Variants in ITGAM observed in about 807,000 individuals in gnomAD.
The protein encoded by ITGAM is integrin subunit alpha M.
ITGAM carries 79 observed loss-of-function variants against 137.5 expected under a neutral mutation model. That is an observed-to-expected ratio of 0.57 (90% CI 0.48 to 0.69). ITGAM has a LOEUF of 0.69. Ranked by LOEUF, ITGAM falls within the 30% of genes least tolerant of loss-of-function variation. The probability of loss-of-function intolerance (pLI) is 0.00; values close to 1 mark genes in which losing one functional copy is unlikely to be tolerated. For synonymous variants in ITGAM, 583 were observed against 592.3 expected, an observed-to-expected ratio of 0.98 and a Z score of 0.23; for missense variants, 1,343 against 1,483.5, an observed-to-expected ratio of 0.91 and a Z score of 1.56.
intron 14 of ITGAM, among the ~76,000 whole-genome samples, chr16:31,308,066 A>AT (rs2080283663): frequency 6.6e-6 from 1 of 151,774 alleles, no homozygotes. Context: ...TTTATTGAGG[A>AT]TTTTTGCATA....
At position 31,271,094 on chromosome 16, in the gene ITGAM, C is replaced by A. The variant is rs1289047768; in HGVS notation, c.558+10C>A. ...AAAGTCCAAAACCTTGGTGAGGGCC[C>A]AGGGGTAGGTTAGGGAAGAGCCCAC... On this transcript the variant is annotated intron_variant, in intron 6 of 29. Coordinates refer to ENST00000544665, the MANE Select transcript of ITGAM (RefSeq NM_000632.4). 25 of 1,550,932 alleles carry A rather than the reference C, an allele frequency of 1.6e-5. No homozygotes were observed. The highest frequency in any genetic ancestry group is 2.2e-5 in the Non-Finnish European group (25 of 1,142,228).
intron 2 of ITGAM, among the ~76,000 whole-genome samples, chr16:31,263,127 G>A (rs1315295165): frequency 1.3e-5 from 2 of 152,066 alleles, no homozygotes; most frequent in Non-Finnish European, 2.9e-5. Context: ...TTTTTGTAGA[G>A]ACAGGGTTTC....
Position 31,331,231 on chromosome 16 carries a change from G to A in ITGAM, c.3343G>A (p.Gly1115Arg). Reference protein sequence around the residue: ...PLPLIVGSSVGGLLLLALITA... With the variant: ...PLPLIVGSSVRGLLLLALITA... ...GCCGCTCATCGTGGGCAGCTCTGTC[G>A]GGGGACTGCTGCTCCTGGCCCTCAT... The change falls in exon 29 of 30, where the codon GGG becomes AGG. Residue 1115 changes from glycine (G) to arginine (R), a missense_variant. Transcript: ENST00000544665. 6.2e-7 allele frequency: 1 copy of A among 1,613,402 alleles called. No individual in the cohort carries two copies. Among genetic ancestry groups the A allele is most frequent in the Non-Finnish European group, 8.5e-7 (1 of 1,179,694 alleles).
At chr16:31,307,269 C>T (rs374477620) in intron 14 of ITGAM, among the ~76,000 whole-genome samples, 4 of 152,274 alleles carry the variant, frequency 2.6e-5, no homozygotes, top group African/African-American at 7.2e-5. Context: ...TTGATTCTTC[C>T]TACCCACGAG....
chr16:31,298,204 CAAAAA>C (rs61202942), intron 14 of ITGAM, among the ~76,000 whole-genome samples: 5 of 77,826 alleles, frequency 6.4e-5, no homozygotes, highest in African/African-American at 1.5e-4. Flanking sequence ...CCCATCTCTC[CAAAAA>C]AAAAAAAAAA....
intron 8 of ITGAM, among the ~76,000 whole-genome samples, chr16:31,274,924 A>T (rs191832812): frequency 6.6e-6 from 1 of 152,278 alleles, no homozygotes; most frequent in East Asian, 1.9e-4. Context: ...TGGCCTATTT[A>T]AAAAATTTGT....
intron 14 of ITGAM, among the ~76,000 whole-genome samples, chr16:31,307,922 T>C (rs1410053578): frequency 6.6e-6 from 1 of 152,208 alleles, no homozygotes; most frequent in African/African-American, 2.4e-5. Flanking sequence ...GTTTTCGTCT[T>C]TGGTTCTGTT....
At chr16:31,282,965 C>T (rs1021039017) in intron 12 of ITGAM, among the ~76,000 whole-genome samples, 44 of 152,256 alleles carry the variant, frequency 2.9e-4, no homozygotes, top group Non-Finnish European at 5.6e-4. Context: ...TTTTATTTCT[C>T]CTTCACTTAT....
At chr16:31,290,082 A>G (rs1370664240) in intron 12 of ITGAM, among the ~76,000 whole-genome samples, 1 of 125,894 alleles carries the variant, frequency 7.9e-6, no homozygotes, top group Non-Finnish European at 1.5e-5. Flanking sequence ...ACTCCATCCA[A>G]AAAAAAAAAA....
intron 14 of ITGAM, among the ~76,000 whole-genome samples, chr16:31,300,130 T>TA (rs1194869200): frequency 6.6e-6 from 1 of 152,102 alleles, no homozygotes; most frequent in African/African-American, 2.4e-5. Flanking sequence ...ATACCACAAT[T>TA]AAAAAAATCC....
chr16:31,262,559 C>T (rs1406981526), intron 2 of ITGAM, among the ~76,000 whole-genome samples: 1 of 151,600 alleles, frequency 6.6e-6, no homozygotes, highest in Non-Finnish European at 1.5e-5. Context: ...TGTGCCACCA[C>T]ACCTGGCTAA....
Position 31,270,995 on chromosome 16 carries a change from G to A in ITGAM, c.469G>A (p.Gly157Ser). 1.3e-6 allele frequency: 2 copies of A among 1,585,438 alleles called. No individual in the cohort carries two copies. The highest frequency in any genetic ancestry group is 1.7e-6 in the Non-Finnish European group (2 of 1,162,818). ...TAGTGACATTGCCTTCTTGATTGAT[G>A]GCTCTGGTAGCATCATCCCACATGA... is the stretch of plus-strand genomic sequence containing the variant. ...EDSDIAFLIDGSGSIIPHDFR... is the reference protein window; with the variant it reads ...EDSDIAFLIDSSGSIIPHDFR... The change falls in exon 6 of 30, where the codon GGC becomes AGC. Residue 157 changes from glycine (G) to serine (S), a missense_variant. Physicochemically the swap from Gly to Ser is moderately conservative, Grantham distance 56 (BLOSUM62 0). Coordinates refer to ENST00000544665, the MANE Select transcript of ITGAM (RefSeq NM_000632.4).
At chr16:31,296,523 A>G (rs936373424) in intron 12 of ITGAM, among the ~76,000 whole-genome samples, 1 of 152,206 alleles carries the variant, frequency 6.6e-6, no homozygotes, top group African/African-American at 2.4e-5. Context: ...AAACAATCAA[A>G]TTCTGTTGAC....
chr16:31,329,080 T>G, intron 23 of ITGAM, 148 bp from the exon 24 acceptor site: 6 of 104,438 alleles, frequency 5.7e-5, no homozygotes, highest in Non-Finnish European at 1.2e-4. Context: ...GGTTCCCCCA[T>G]CCCCCTGCAC....
At chr16:31,290,765 A>G (rs2080079402) in intron 12 of ITGAM, among the ~76,000 whole-genome samples, 1 of 152,132 alleles carries the variant, frequency 6.6e-6, no homozygotes, top group African/African-American at 2.4e-5. Flanking sequence ...AGAAAAAAAA[A>G]TATAAAGAGG....
At chr16:31,280,653 T>C (rs1031663186) in intron 12 of ITGAM, among the ~76,000 whole-genome samples, 2 of 152,180 alleles carry the variant, frequency 1.3e-5, no homozygotes, top group Non-Finnish European at 2.9e-5. Context: ...ACAATGGGGT[T>C]TTCTAAATAT....
At position 31,276,711 on chromosome 16, in the gene ITGAM, G is replaced by A; in HGVS notation, c.1050G>A (p.Met350Ile). The A allele has an allele frequency of 6.2e-7, 1 of 1,612,298 alleles. No homozygotes were observed. The highest frequency in any genetic ancestry group is 8.5e-7 in the Non-Finnish European group (1 of 1,179,178). Reference sequence around the variant, plus strand: ...GTAGCAGCTCCTTTGAGCATGAGATGTCTCAGGAAGGCTTCAGCGCTGCCA... The same window carrying A: ...GTAGCAGCTCCTTTGAGCATGAGATATCTCAGGAAGGCTTCAGCGCTGCCA... The part of the protein sequence containing the change: ...TGSSSSFEHE[M>I]SQEGFSAAIT... Residue 350 changes from methionine to isoleucine, a missense_variant, in exon 10 of 30, where the codon ATG becomes ATA. Transcript: ENST00000544665.
chr16:31,331,521 C>T, intron 29 of ITGAM, 115 bp from the exon 30 acceptor site: 2 of 622,350 alleles, frequency 3.2e-6, no homozygotes, highest in South Asian at 1.9e-5. Context: ...CCCCTCCCGC[C>T]CCGCCCTCCT....
intron 14 of ITGAM, among the ~76,000 whole-genome samples, chr16:31,315,297 T>C (rs1190297247): frequency 1.3e-5 from 2 of 152,204 alleles, no homozygotes; most frequent in Non-Finnish European, 2.9e-5. Flanking sequence ...TGCAATTCCA[T>C]TTGTCTGTTT....
Sources: gnomAD v4.1 joint callset for allele counts (sites outside exome capture counted in the v4.1 genomes callset) on GRCh38, gnomAD v4.1.1 for gene constraint, MANE v1.5 for transcripts, NCBI Gene and HGNC (gene_info 2026-07-23, HGNC 2026-07-21) for gene names.